The following AHDC1 variants were observed in gnomAD, a reference collection of about 807,000 sequenced individuals.
AHDC1 encodes the protein AT-hook DNA binding motif containing 1.
In AHDC1, 7 loss-of-function variants were observed where a neutral mutation model predicts 87.9. That is an observed-to-expected ratio of 0.08 (90% CI 0.05 to 0.15). AHDC1 has a LOEUF of 0.15. Ranked by LOEUF, AHDC1 falls within the 10% of genes least tolerant of loss-of-function variation. AHDC1 has a pLI of 1.00. For missense variants in AHDC1, 1,841 were observed against 2,253.2 expected (o/e 0.82, Z 3.70); for synonymous variants, 1,051 against 1,006.8 (o/e 1.04, Z -0.83).
rs1053493062 is a variant in AHDC1 at position 27,548,239 on chromosome 1, C to T, written c.3877G>A (p.Ala1293Thr). Residue 1293 changes from alanine (A) to threonine (T), a missense_variant, in exon 8 of 9, where the codon GCC (alanine) becomes ACC (threonine). Transcript: ENST00000673934. ...GGCTGTGGCTTGGGGATGAACTTGG[C>T]TTTGGCCGCTGCGCCACCCCGCTCC... Reference protein sequence around the residue: ...KKERGGAAAKAKFIPKPQPVN... With the variant: ...KKERGGAAAKTKFIPKPQPVN... 9.3e-6 allele frequency: 15 copies of T among 1,612,678 alleles called. No homozygotes were observed. Among genetic ancestry groups the T allele is most frequent in the Non-Finnish European group, 1.2e-5 (14 of 1,179,604 alleles).
rs1446662682 is a variant in AHDC1, at chr1:27,590,239, G to A, written c.-629+13158C>T. Among the ~76,000 whole-genome samples the A allele has an allele frequency of 2.6e-5, 4 of 152,130 alleles. No individual in the cohort carries two copies. Among genetic ancestry groups the A allele is most frequent in the Admixed American group, 2.0e-4 (3 of 15,284 alleles). On this transcript the variant is annotated intron_variant, in intron 3 of 8. Coordinates refer to ENST00000673934, the MANE Select transcript of AHDC1 (RefSeq NM_001371928.1). This position sits in a 1 kb window ranked among gnomAD's most constrained non-coding sequence, Gnocchi z 5.4. The stretch of plus-strand genomic sequence containing the variant: ...GCCTGCTGGAGACCCGCCCTCACCC[G>A]CCAGGATGCCTGGGTCCCTGGGGCC...
chr1:27,538,889 A>G (rs986957085), intron 8 of AHDC1, among the ~76,000 whole-genome samples: 3 of 152,092 alleles, frequency 2.0e-5, no homozygotes, highest in Non-Finnish European at 4.4e-5. Context: ...TGGTGCCCCA[A>G]AGACAAAGGG....
chr1:27,587,061 G>A (rs2089080452), intron 3 of AHDC1, among the ~76,000 whole-genome samples: 1 of 152,170 alleles, frequency 6.6e-6, no homozygotes, highest in South Asian at 2.1e-4. Context: ...AAGTACTGCT[G>A]AGGCCCAGAA....
intron 8 of AHDC1, among the ~76,000 whole-genome samples, chr1:27,542,203 A>G: frequency 6.6e-6 from 1 of 152,220 alleles, no homozygotes; most frequent in South Asian, 2.1e-4. Flanking sequence ...TATTTTTCAT[A>G]TTTGCAGTGG....
intron 3 of AHDC1, among the ~76,000 whole-genome samples, chr1:27,566,501 G>A (rs1181420526): frequency 6.6e-6 from 1 of 151,882 alleles, no homozygotes; most frequent in African/African-American, 2.4e-5. Flanking sequence ...GACAGGCGGA[G>A]GCACAGAGCA....
intron 3 of AHDC1, among the ~76,000 whole-genome samples, chr1:27,571,629 G>C (rs548294806): frequency 6.6e-6 from 1 of 151,972 alleles, no homozygotes; most frequent in Non-Finnish European, 1.5e-5. Flanking sequence ...TGGCTGCTTC[G>C]GCCTCAGTCC....
rs2020036053 is a variant in AHDC1, at chr1:27,560,681, C to T, written c.-628-1798G>A. Among the ~76,000 whole-genome samples the T allele has an allele frequency of 6.6e-6, 1 of 151,898 alleles. No individual in the cohort carries two copies. Among genetic ancestry groups the T allele is most frequent in the Admixed American group, 6.6e-5 (1 of 15,258 alleles). ...GTGACCTTATTGTGTGTCTGTGTAC[C>T]ACAGCGTGTCTCTGTGTATGTCAGT... On this transcript the variant is annotated intron_variant, in intron 3 of 8. Transcript: ENST00000673934. This position sits in a 1 kb window ranked among gnomAD's most constrained non-coding sequence, Gnocchi z 4.1.
At position 27,589,864 on chromosome 1, in the gene AHDC1, G is replaced by GGGGCCA. The variant is rs1488242478; in HGVS notation, c.-629+13527_-629+13532dup. 1.3e-4 allele frequency among the ~76,000 whole-genome samples: 20 copies of GGGGCCA among 152,256 alleles called. No individual in the cohort carries two copies. In the South Asian group the frequency reaches 3.9e-3, roughly 30 times the overall value. On this transcript the variant is annotated intron_variant, in intron 3 of 8. Coordinates refer to ENST00000673934, the MANE Select transcript of AHDC1 (RefSeq NM_001371928.1). ...CACCCTCCGCCCTGGGGGAGCCAGT[G>GGGGCCA]GGGCCAGGGCCAGGCACCGGCCCCC... is the stretch of plus-strand genomic sequence containing the variant.
Position 27,551,937 on chromosome 1 carries a change from T to C in AHDC1, c.179A>G (p.Asn60Ser), listed in dbSNP as rs531901413. 7 of 1,554,952 alleles carry C rather than the reference T, an allele frequency of 4.5e-6. No homozygotes were observed. The highest frequency in any genetic ancestry group is 1.7e-4 in the Middle Eastern group (1 of 5,766). Residue 60 changes from asparagine to serine, a missense_variant, in exon 8 of 9, where the codon AAC becomes AGC. Physicochemically the swap from Asn to Ser is conservative, Grantham distance 46. This residue lies in a region of AHDC1 where 142 missense variants were observed against 165.6 expected (regional missense o/e 0.86). Coordinates refer to ENST00000673934, the MANE Select transcript of AHDC1 (RefSeq NM_001371928.1). ...KAFSTHAFSE[N>S]PRPPPRRDPS... is the part of the protein sequence containing the mutation. ...GTCCCGGCGTGGGGGTGGGCGTGGG[T>C]TCTCGGAGAAGGCGTGGGTGGAGAA...
rs139589957 is a variant in AHDC1 at position 27,563,057 on chromosome 1, A to C, written c.-628-4174T>G. Reference sequence around the variant, plus strand: ...CTCACAGTGGCATAACTGACACGCAACCAGGCACCCCCACACCCACTAATG... The same window carrying C: ...CTCACAGTGGCATAACTGACACGCACCCAGGCACCCCCACACCCACTAATG... On this transcript the variant is annotated intron_variant, in intron 3 of 8. Coordinates refer to ENST00000673934, the MANE Select transcript of AHDC1 (RefSeq NM_001371928.1). The surrounding 1 kb of genome is among the most constrained non-coding windows in gnomAD (Gnocchi z 6.1). Among the ~76,000 whole-genome samples, 370 of 152,214 alleles carry C rather than the reference A, an allele frequency of 2.4e-3. No homozygotes were observed. Among genetic ancestry groups the C allele is most frequent in the African/African-American group, 8.7e-3 (360 of 41,534 alleles).
chr1:27,598,660 C>T lies in AHDC1; in HGVS notation c.-629+4737G>A, dbSNP rs145532205. ...TCCCACCTCCATCTACCCATAGGGA[C>T]GTGGGGGGATCACACCAGTGTCACC... On this transcript the variant is annotated intron_variant, in intron 3 of 8. Coordinates refer to ENST00000673934, the MANE Select transcript of AHDC1 (RefSeq NM_001371928.1). This position sits in a 1 kb window ranked among gnomAD's most constrained non-coding sequence, Gnocchi z 4.2. 5.3e-5 allele frequency among the ~76,000 whole-genome samples: 8 copies of T among 152,280 alleles called. No homozygotes were observed. Among genetic ancestry groups the T allele is most frequent in the Non-Finnish European group, 8.8e-5 (6 of 67,994 alleles).
intron 7 of AHDC1, 183 bp downstream of exon 7, chr1:27,552,709 T>C (rs576972464): frequency 2.0e-5 from 3 of 152,622 alleles, no homozygotes; most frequent in African/African-American, 7.2e-5. Flanking sequence ...GTTTCACTTA[T>C]TGACAGCTCA....
chr1:27,538,284 C>A (rs1488105758), intron 8 of AHDC1, among the ~76,000 whole-genome samples: 1 of 151,466 alleles, frequency 6.6e-6, no homozygotes, highest in Non-Finnish European at 1.5e-5. Context: ...CACCCTGTAA[C>A]CCCAGCTACT....
At chr1:27,570,332 C>T (rs2020513029) in intron 3 of AHDC1, among the ~76,000 whole-genome samples, 1 of 152,002 alleles carries the variant, frequency 6.6e-6, no homozygotes, top group South Asian at 2.1e-4. Flanking sequence ...CCATCGCCCC[C>T]CACCCCTCAT....
intron 3 of AHDC1, among the ~76,000 whole-genome samples, chr1:27,567,744 C>T (rs1402246104): frequency 1.3e-5 from 2 of 152,228 alleles, no homozygotes; most frequent in African/African-American, 2.4e-5. Flanking sequence ...CTCCTTGTAG[C>T]CCAGAACTGC....
rs1026548635 is a variant in AHDC1 at position 27,598,836 on chromosome 1, G to C, written c.-629+4561C>G. On this transcript the variant is annotated intron_variant, in intron 3 of 8. Coordinates refer to ENST00000673934, the MANE Select transcript of AHDC1 (RefSeq NM_001371928.1). The surrounding 1 kb of genome is among the most constrained non-coding windows in gnomAD (Gnocchi z 4.2). ...AAGCCCCCCAACACCAGCATCCACC[G>C]TCATGACATGAACGCAGAGACCAGC... 6.6e-6 allele frequency among the ~76,000 whole-genome samples: 1 copy of C among 152,122 alleles called. No individual in the cohort carries two copies. Among genetic ancestry groups the C allele is most frequent in the Non-Finnish European group, 1.5e-5 (1 of 68,006 alleles).
chr1:27,587,163 G>A (rs2089082699), intron 3 of AHDC1, among the ~76,000 whole-genome samples: 2 of 152,208 alleles, frequency 1.3e-5, no homozygotes, highest in South Asian at 4.1e-4. Context: ...AGACTAATCG[G>A]CTCATTGCAC....
intron 8 of AHDC1, among the ~76,000 whole-genome samples, chr1:27,541,505 G>A (rs2018917314): frequency 6.6e-6 from 1 of 151,940 alleles, no homozygotes; most frequent in Non-Finnish European, 1.5e-5. Context: ...TTTTAGTAGA[G>A]ACAGGGTTTC....
chr1:27,587,394 C>T (rs558951282), intron 3 of AHDC1, among the ~76,000 whole-genome samples: 55 of 152,318 alleles, frequency 3.6e-4, no homozygotes, highest in Non-Finnish European at 7.4e-4. Context: ...TTCTGTCCTA[C>T]GCAGCAACTG....
Sources: allele counts gnomAD v4.1 joint callset (sites outside exome capture counted in the v4.1 genomes callset), GRCh38; gene constraint gnomAD v4.1.1; regional missense constraint gnomAD v4.1.1; non-coding constraint Gnocchi (gnomAD v3.1); transcripts MANE v1.5; gene names NCBI Gene and HGNC (gene_info 2026-07-23, HGNC 2026-07-21).